Variants in DEPDC5 observed in about 807,000 individuals in gnomAD.
The protein encoded by DEPDC5 is GATOR1 complex protein DEPDC5.
A neutral mutation model predicts 217.3 loss-of-function variants in DEPDC5; 73 were observed. The ratio of observed to expected loss-of-function variants is 0.34; its 90% CI spans 0.28 to 0.41. The LOEUF (loss-of-function observed/expected upper bound fraction) is 0.41, where lower values mean the gene tolerates loss of function less well. Ranked by LOEUF, DEPDC5 falls within the 10% of genes least tolerant of loss-of-function variation. The probability of loss-of-function intolerance (pLI) is 1.00; values close to 1 mark genes in which losing one functional copy is unlikely to be tolerated. For synonymous variants in DEPDC5, 733 were observed against 756.7 expected (o/e 0.97, Z 0.51); for missense variants, 1,675 against 2,070.1 (o/e 0.81, Z 3.70).
Position 31,760,688 on chromosome 22 carries a change from A to G in DEPDC5, c.179A>G (p.Glu60Gly). 1 of 1,612,632 alleles carries G rather than the reference A, an allele frequency of 6.2e-7. No individual in the cohort carries two copies. Among genetic ancestry groups the G allele is most frequent in the East Asian group, 2.2e-5 (1 of 44,846 alleles). ...PLLLQVKSLKEDLQKETISVD... is the reference protein window; with the variant it reads ...PLLLQVKSLKGDLQKETISVD... ...CTTTTGCAGGTCAAGTCTCTTAAGG[A>G]AGATTTACAGAAGGGTAAGAATTAT... The change falls in exon 4 of 43, where the codon GAA becomes GGA. Residue 60 changes from glutamate (E) to glycine (G), a missense_variant. Coordinates refer to ENST00000651528, the MANE Select transcript of DEPDC5 (RefSeq NM_001242896.3).
At position 31,784,658 on chromosome 22, in the gene DEPDC5, T is replaced by G. The variant is rs1324490318; in HGVS notation, c.563-156T>G. On this transcript the variant is annotated intron_variant, in intron 9 of 42. Coordinates refer to ENST00000651528, the MANE Select transcript of DEPDC5 (RefSeq NM_001242896.3). The stretch of plus-strand genomic sequence containing the variant: ...AAAAGATGTACAAAATACACCTTCT[T>G]TTTGGTCCCCTTTCTTATAGAAGAA... 13 of 608,336 alleles carry G rather than the reference T, an allele frequency of 2.1e-5. No homozygotes were observed. The East Asian group carries it at 3.2e-4, about 15-fold the overall frequency. The allele number at this position is 608,336 out of a possible 1,614,324, so 37.7% of individuals were successfully genotyped here. A position where few individuals can be genotyped will look rare whatever the true frequency, so the allele number is the denominator to read the frequency against.
At chr22:31,893,110 G>A (rs369398479) in intron 38 of DEPDC5, among the ~76,000 whole-genome samples, 8 of 151,856 alleles carry the variant, frequency 5.3e-5, no homozygotes, top group African/African-American at 1.7e-4. Context: ...TCTTGACCTC[G>A]TGATCTGCTT....
At position 31,843,182 on chromosome 22, in the gene DEPDC5, A is replaced by C. The variant is rs1569081604; in HGVS notation, c.2603A>C (p.Lys868Thr). 3 of 1,614,146 alleles carry C rather than the reference A, an allele frequency of 1.9e-6. No homozygotes were observed. Among genetic ancestry groups the C allele is most frequent in the Non-Finnish European group, 2.5e-6 (3 of 1,180,006 alleles). Residue 868 changes from lysine to threonine, a missense_variant, in exon 28 of 43, where the codon AAG (lysine) becomes ACG (threonine). Transcript: ENST00000651528. ...RTFHKVTLKDKMITVTRYLPK... is the reference protein window; with the variant it reads ...RTFHKVTLKDTMITVTRYLPK... ...TTCCACAAAGTGACGCTGAAGGATA[A>C]GATGATCACAGTGACGCGATACCTT... is the stretch of plus-strand genomic sequence containing the variant.
intron 31 of DEPDC5, among the ~76,000 whole-genome samples, chr22:31,850,781 T>A (rs892668639): frequency 4.6e-5 from 7 of 152,068 alleles, no homozygotes; most frequent in Non-Finnish European, 1.0e-4. Context: ...AAACCCAGTT[T>A]TGCTTGAGGC....
intron 31 of DEPDC5, among the ~76,000 whole-genome samples, chr22:31,852,616 G>A (rs189192250): frequency 6.3e-4 from 96 of 152,032 alleles, no homozygotes; most frequent in Admixed American, 2.1e-3. Flanking sequence ...TGGGATTATA[G>A]GCGTGAGCCA....
chr22:31,783,422 C>T (rs529651646), intron 8 of DEPDC5, among the ~76,000 whole-genome samples: 208 of 152,212 alleles, frequency 1.4e-3, no homozygotes, highest in African/African-American at 3.9e-3. Flanking sequence ...GAACCACCTC[C>T]GGACACGGTG....
chr22:31,888,814 A>G (rs1402467250), intron 38 of DEPDC5, among the ~76,000 whole-genome samples: 1 of 152,116 alleles, frequency 6.6e-6, no homozygotes, highest in Non-Finnish European at 1.5e-5. Flanking sequence ...CCAAAGTGCT[A>G]AGATTACAGG....
chr22:31,875,489 C>T (rs553549927), intron 36 of DEPDC5: 1 of 152,044 alleles, frequency 6.6e-6, no homozygotes, highest in East Asian at 1.9e-4. Flanking sequence ...TAATATTACA[C>T]TAACCATTTA....
Position 31,778,168 on chromosome 22 carries a change from G to T in DEPDC5, c.483G>T (p.Arg161Ser), listed in dbSNP as rs756100952. The change falls in exon 8 of 43, where the codon AGG becomes AGT. Residue 161 changes from arginine to serine, a missense_variant and splice_region_variant. Arg to Ser is a moderately radical substitution (Grantham distance 110). Transcript: ENST00000651528. ...VMCGYISEDT[R>S]VVFRSTSAMV... ...GTGGCTACATCAGTGAAGATACCAG[G>T]GTAAGATTTATAAAATGCTTTTTTG... 2 of 1,613,828 alleles carry T rather than the reference G, an allele frequency of 1.2e-6. No individual in the cohort carries two copies. The highest frequency in any genetic ancestry group is 1.7e-5 in the Admixed American group (1 of 59,974).
intron 8 of DEPDC5, among the ~76,000 whole-genome samples, chr22:31,780,146 G>A (rs957803147): frequency 6.6e-6 from 1 of 152,190 alleles, no homozygotes; most frequent in African/African-American, 2.4e-5. Context: ...AGTAAAAGCA[G>A]ATAAGTGAGT....
intron 31 of DEPDC5, among the ~76,000 whole-genome samples, chr22:31,850,785 T>A (rs2091981481): frequency 6.6e-6 from 1 of 152,090 alleles, no homozygotes. Context: ...CCAGTTTTGC[T>A]TGAGGCCGGG....
chr22:31,818,898 CT>C (rs1333047191), intron 21 of DEPDC5, 123 bp from the exon 22 acceptor site: 1 of 943,140 alleles, frequency 1.1e-6, no homozygotes, highest in African/African-American at 1.6e-5. Context: ...GCTCATTTCT[CT>C]CACTCCCTGA....
chr22:31,854,931 A>G (rs1002546655), intron 31 of DEPDC5, among the ~76,000 whole-genome samples: 11 of 151,894 alleles, frequency 7.2e-5, no homozygotes, highest in African/African-American at 2.2e-4. Context: ...ATGTATGACA[A>G]TGTAAGGACT....
intron 34 of DEPDC5, among the ~76,000 whole-genome samples, chr22:31,871,490 C>T (rs1263570782): frequency 6.6e-6 from 1 of 152,146 alleles, no homozygotes; most frequent in Non-Finnish European, 1.5e-5. Flanking sequence ...CTACTGCAGC[C>T]TGTTCATTCT....
intron 7 of DEPDC5, among the ~76,000 whole-genome samples, chr22:31,774,457 C>T (rs1371559628): frequency 6.6e-6 from 1 of 151,972 alleles, no homozygotes; most frequent in Non-Finnish European, 1.5e-5. Context: ...CCTCGGCCTC[C>T]CAAAGTGATG....
intron 33 of DEPDC5, among the ~76,000 whole-genome samples, chr22:31,862,181 G>A (rs136865): frequency 0.42 from 63,187 of 151,724 alleles, 13,495 homozygotes; most frequent in East Asian, 0.6. Flanking sequence ...GGTGGAGGTT[G>A]CAGTGAGCCG....
rs10712869 is a variant in DEPDC5, at chr22:31,815,385, CTTTT to C, written c.1666+192_1666+195del. 5,373 of 541,714 alleles carry C rather than the reference CTTTT, an allele frequency of 9.9e-3. No homozygotes were observed. The highest frequency in any genetic ancestry group is 0.014 in the Admixed American group (402 of 29,716). The allele number at this position is 541,714 out of a possible 1,614,324, so 33.6% of individuals were successfully genotyped here. On this transcript the variant is annotated intron_variant, in intron 21 of 42. Transcript: ENST00000651528. Reference sequence around the variant, plus strand: ...TGTTAGCTATGTATATATTATACTTCTTTTTTTTTTTTTTTTTTTTTTGGTGACA... The same window carrying C: ...TGTTAGCTATGTATATATTATACTTCTTTTTTTTTTTTTTTTTTGGTGACA...
chr22:31,772,159 G>T (rs2083422368), intron 7 of DEPDC5, among the ~76,000 whole-genome samples: 1 of 152,136 alleles, frequency 6.6e-6, no homozygotes. Context: ...TGAAGCACAG[G>T]TCGATGCTGC....
At chr22:31,884,856 C>T (rs866629328) in intron 38 of DEPDC5, among the ~76,000 whole-genome samples, 2 of 152,220 alleles carry the variant, frequency 1.3e-5, no homozygotes, top group Middle Eastern at 6.8e-3. Flanking sequence ...CCTTCTCATT[C>T]TAGTCACTTA....
Sources: gnomAD v4.1 joint callset for allele counts (sites outside exome capture counted in the v4.1 genomes callset) on GRCh38, gnomAD v4.1.1 for gene constraint, MANE v1.5 for transcripts, NCBI Gene and HGNC (gene_info 2026-07-23, HGNC 2026-07-21) for gene names.